Variants in TEX11 observed in about 807,000 individuals in gnomAD.
The protein encoded by TEX11 is testis expressed 11.
Under a neutral mutation model 84.4 loss-of-function variants are expected in TEX11, and 7 were observed. The ratio of observed to expected loss-of-function variants is 0.08; its 90% confidence interval spans 0.05 to 0.16. The LOEUF is 0.16. TEX11 is among the 10% of genes least tolerant of loss of function. The probability of loss-of-function intolerance (pLI) is 1.00; values close to 1 mark genes in which losing one functional copy is unlikely to be tolerated. For synonymous variants in TEX11, 264 were observed against 222.8 expected, an observed-to-expected ratio of 1.18 and a Z score of -1.64; for missense variants, 551 against 660.5, an observed-to-expected ratio of 0.83 and a Z score of 1.82.
intron 28 of TEX11, among the ~76,000 whole-genome samples, chrX:70,534,545 T>C (rs2087931782): frequency 1.8e-5 from 2 of 112,179 alleles, no homozygotes; most frequent in Non-Finnish European, 3.8e-5. Flanking sequence ...CACATGGACT[T>C]GCCTACGTGT....
chrX:70,765,018 A>T (rs1197083613), intron 9 of TEX11, among the ~76,000 whole-genome samples: 1 of 112,089 alleles, frequency 8.9e-6, no homozygotes, highest in East Asian at 2.8e-4. Flanking sequence ...TGCATCAAAA[A>T]AAGAAAACTA....
chrX:70,579,369 C>T (rs1292009838), intron 25 of TEX11, among the ~76,000 whole-genome samples: 6 of 106,691 alleles, frequency 5.6e-5, no homozygotes, highest in Non-Finnish European at 1.2e-4. Flanking sequence ...GTGGCGGGCG[C>T]CTGTAGTCCC....
the TEX11 span, among the ~76,000 whole-genome samples, chrX:70,522,705 G>A: frequency 9.8e-6 from 1 of 102,350 alleles, no homozygotes; most frequent in Non-Finnish European, 2.0e-5. Context: ...GGCCAATTTT[G>A]TATTTTTTTT....
At chrX:70,514,749 T>G in the TEX11 span, among the ~76,000 whole-genome samples, 3 of 109,435 alleles carry the variant, frequency 2.7e-5, no homozygotes, top group African/African-American at 1.0e-4. Context: ...TTGCTCAGAG[T>G]TGCTGTAAGT....
At chrX:70,768,581 C>G (rs1348952000) in intron 9 of TEX11, among the ~76,000 whole-genome samples, 1 of 110,977 alleles carries the variant, frequency 9.0e-6, no homozygotes, top group East Asian at 2.8e-4. Context: ...TGGCAGCAGG[C>G]AAGAGAGAGA....
intron 9 of TEX11, among the ~76,000 whole-genome samples, chrX:70,789,573 A>G (rs2091105914): frequency 8.9e-6 from 1 of 111,977 alleles, no homozygotes; most frequent in Non-Finnish European, 1.9e-5. Flanking sequence ...CAAACAAACA[A>G]ACAAAAAACC....
intron 7 of TEX11, among the ~76,000 whole-genome samples, chrX:70,841,779 T>C (rs1433710171): frequency 9.0e-6 from 1 of 110,702 alleles, no homozygotes; most frequent in Non-Finnish European, 1.9e-5. Flanking sequence ...TTAGACGCAA[T>C]AAAAAATGAT....
intron 16 of TEX11, among the ~76,000 whole-genome samples, chrX:70,655,034 T>G (rs2089850302): frequency 9.1e-6 from 1 of 109,897 alleles, no homozygotes. Flanking sequence ...AGAAGATCAC[T>G]GCATAACAAT....
chrX:70,539,038 A>ATATTTTTTTTT, intron 28 of TEX11, among the ~76,000 whole-genome samples: 869 of 41,218 alleles, frequency 0.021, 58 homozygotes, highest in East Asian at 0.098. Context: ...ATATATATAT[A>ATATTTTTTTTT]TTTTTTTTTT....
At chrX:70,609,509 G>A (rs750815336) in intron 21 of TEX11, among the ~76,000 whole-genome samples, 1 of 112,296 alleles carries the variant, frequency 8.9e-6, no homozygotes, top group South Asian at 3.7e-4. Context: ...GACTGAACTG[G>A]AGATTGAAAA....
At chrX:70,824,669 T>TAG (rs202069571) in intron 8 of TEX11, among the ~76,000 whole-genome samples, 6 of 108,543 alleles carry the variant, frequency 5.5e-5, no homozygotes, top group African/African-American at 1.3e-4. Flanking sequence ...AAGAAGATCA[T>TAG]AGAGAGAGAG....
rs370781982 is a variant in TEX11, at chrX:70,743,919, AG to A, written c.747+245del. ...ACACACACACACACACACACAGAAA[AG>A]AAAGTTAAAATTTACATACCCAAAC... On this transcript the variant is annotated intron_variant, in intron 10 of 29. Transcript: ENST00000374333. Among the ~76,000 whole-genome samples, 541 of 95,846 alleles carry A rather than the reference AG, an allele frequency of 5.6e-3. 3 individuals carry two copies. Among genetic ancestry groups the A allele is most frequent in the African/African-American group, 0.019 (515 of 27,774 alleles). 83.2% of individuals were successfully genotyped at this position (95,846 alleles called of 115,157 possible). A position where few individuals can be genotyped will look rare whatever the true frequency, so the allele number is the denominator to read the frequency against.
chrX:70,650,857 A>G (rs1245418076), intron 17 of TEX11, among the ~76,000 whole-genome samples: 1 of 112,183 alleles, frequency 8.9e-6, no homozygotes, highest in African/African-American at 3.2e-5. Context: ...GAGCAAAGGC[A>G]TATCTATAAC....
chrX:70,836,406 C>A (rs995199710), intron 7 of TEX11, among the ~76,000 whole-genome samples: 7 of 111,458 alleles, frequency 6.3e-5, no homozygotes, highest in Non-Finnish European at 1.3e-4. Context: ...AGACAATATT[C>A]GCGAATATTT....
intron 7 of TEX11, among the ~76,000 whole-genome samples, chrX:70,849,344 A>C (rs2091495178): frequency 8.9e-6 from 1 of 112,039 alleles, no homozygotes; most frequent in African/African-American, 3.2e-5. Context: ...CTGTACAACT[A>C]TTATAGTACC....
chrX:70,733,600 G>A (rs369602322), intron 11 of TEX11, among the ~76,000 whole-genome samples: 3 of 111,517 alleles, frequency 2.7e-5, no homozygotes, highest in South Asian at 3.8e-4. Flanking sequence ...CAAAACCACA[G>A]TGAGATACCA....
At chrX:70,671,910 T>TATATATATATACACAC (rs57166359) in intron 15 of TEX11, among the ~76,000 whole-genome samples, 35 of 67,969 alleles carry the variant, frequency 5.1e-4, no homozygotes, top group South Asian at 1.0e-3. Flanking sequence ...TATATATATA[T>TATATATATATACACAC]ACACACACAC....
intron 25 of TEX11, among the ~76,000 whole-genome samples, chrX:70,576,051 GTAGTCCT>G (rs1004750453): frequency 2.7e-5 from 3 of 111,961 alleles, no homozygotes; most frequent in African/African-American, 9.7e-5. Flanking sequence ...ACAATACATA[GTAGTCCT>G]TAGGAATTTA....
intron 9 of TEX11, among the ~76,000 whole-genome samples, chrX:70,767,722 C>A (rs1361621831): frequency 8.9e-6 from 1 of 111,768 alleles, no homozygotes; most frequent in African/African-American, 3.2e-5. Context: ...TGGAAACAAC[C>A]TAAGTATCCA....
Sources: gnomAD v4.1 joint callset for allele counts (sites outside exome capture counted in the v4.1 genomes callset) on GRCh38, gnomAD v4.1.1 for gene constraint, MANE v1.5 for transcripts, NCBI Gene and HGNC (gene_info 2026-07-23, HGNC 2026-07-21) for gene names.